Variants in NTM observed in about 807,000 individuals in gnomAD.
NTM encodes the protein neurotrimin.
Under a neutral mutation model 42.1 loss-of-function variants are expected in NTM, and 13 were observed. That is an observed-to-expected ratio of 0.31 (90% CI 0.20 to 0.49). NTM has a LOEUF of 0.49. Among genes scored for constraint, NTM ranks in the 20% least tolerant of loss-of-function variants. NTM has a pLI of 0.99. For synonymous variants in NTM, 187 were observed against 179.2 expected (o/e 1.04, Z -0.35); for missense variants, 373 against 452.8 (o/e 0.82, Z 1.60).
At chr11:132,056,970 C>T (rs1355260276) in intron 2 of NTM, among the ~76,000 whole-genome samples, 1 of 152,162 alleles carries the variant, frequency 6.6e-6, no homozygotes, top group Non-Finnish European at 1.5e-5. Flanking sequence ...CCTGCTTTGT[C>T]GTATAGCAGT....
intron 1 of NTM, among the ~76,000 whole-genome samples, chr11:131,498,918 C>A (rs934850884): frequency 3.9e-5 from 6 of 152,176 alleles, no homozygotes; most frequent in Admixed American, 3.3e-4. Flanking sequence ...AGTGTCAGTT[C>A]CAGGCAGGAG....
chr11:132,286,958 C>T (rs2094263821), intron 4 of NTM, among the ~76,000 whole-genome samples: 2 of 152,250 alleles, frequency 1.3e-5, no homozygotes, highest in South Asian at 4.1e-4. Context: ...GTCCTTCTCA[C>T]TCTTGAAATG....
intron 2 of NTM, among the ~76,000 whole-genome samples, chr11:131,986,781 G>A (rs1349047049): frequency 2.0e-5 from 3 of 152,158 alleles, no homozygotes; most frequent in Admixed American, 6.5e-5. Flanking sequence ...CTGCCTAGAA[G>A]AGTGCCTGAC....
At chr11:132,093,589 C>A (rs1391583660) in intron 2 of NTM, among the ~76,000 whole-genome samples, 2 of 152,116 alleles carry the variant, frequency 1.3e-5, no homozygotes, top group Non-Finnish European at 2.9e-5. Context: ...ATTTATAAAT[C>A]TGTCTTTTTT....
chr11:131,988,043 A>G (rs2066372954), intron 2 of NTM, among the ~76,000 whole-genome samples: 1 of 152,232 alleles, frequency 6.6e-6, no homozygotes, highest in Admixed American at 6.5e-5. Flanking sequence ...TGGGAAGTCC[A>G]ATATCAAGGC....
chr11:132,281,519 G>A (rs924324630), intron 4 of NTM, among the ~76,000 whole-genome samples: 7 of 152,144 alleles, frequency 4.6e-5, no homozygotes, highest in Admixed American at 6.5e-5. Context: ...AGATGATTGG[G>A]TTCCTTGTCC....
intron 1 of NTM, chr11:131,878,240 A>G (rs2137207527): frequency 6.6e-6 from 1 of 151,846 alleles, no homozygotes; most frequent in South Asian, 2.1e-4. Flanking sequence ...GGAAGGATGG[A>G]CTTACCCTGT....
intron 1 of NTM, among the ~76,000 whole-genome samples, chr11:131,748,863 G>T (rs2082143822): frequency 6.6e-6 from 1 of 152,190 alleles, no homozygotes; most frequent in Non-Finnish European, 1.5e-5. Flanking sequence ...GGACTGGACG[G>T]TTCCCAGTGC....
chr11:132,243,145 G>A (rs2090498447), intron 4 of NTM, among the ~76,000 whole-genome samples: 2 of 152,022 alleles, frequency 1.3e-5, no homozygotes, highest in South Asian at 4.2e-4. Context: ...CAATGTTTTT[G>A]GCTCTTCATA....
intron 1 of NTM, among the ~76,000 whole-genome samples, chr11:131,695,896 C>G (rs1026381966): frequency 6.6e-6 from 1 of 152,172 alleles, no homozygotes; most frequent in Non-Finnish European, 1.5e-5. Flanking sequence ...TCCCTTCACT[C>G]CTGCGCTCTG....
intron 1 of NTM, among the ~76,000 whole-genome samples, chr11:131,422,678 T>C (rs1947664275): frequency 6.6e-6 from 1 of 152,076 alleles, no homozygotes; most frequent in Non-Finnish European, 1.5e-5. Context: ...CACTTTTCCC[T>C]CTCCCGCCCT....
chr11:132,164,016 C>T (rs542172667), intron 3 of NTM, among the ~76,000 whole-genome samples: 108 of 152,120 alleles, frequency 7.1e-4, no homozygotes, highest in Non-Finnish European at 1.4e-3. Context: ...AAGGTCATGC[C>T]GCTGGTTAAG....
intron 1 of NTM, among the ~76,000 whole-genome samples, chr11:131,465,838 G>A (rs1226195106): frequency 3.6e-5 from 5 of 140,144 alleles, no homozygotes; most frequent in African/African-American, 1.7e-4. Flanking sequence ...GAAAAGGTCT[G>A]TGGTTGTCCC....
chr11:132,315,531 T>C (rs2095406156), intron 7 of NTM, among the ~76,000 whole-genome samples: 1 of 152,228 alleles, frequency 6.6e-6, no homozygotes, highest in Non-Finnish European at 1.5e-5. Flanking sequence ...TTTTCAAACC[T>C]GTCTCCCCAA....
intron 1 of NTM, among the ~76,000 whole-genome samples, chr11:131,457,721 T>TCCCC (rs112078919): frequency 4.0e-5 from 6 of 151,234 alleles, no homozygotes; most frequent in African/African-American, 1.5e-4. Flanking sequence ...GTTTTTGTCC[T>TCCCC]CCCCCCCCAA....
chr11:131,865,884 C>A (rs1448137645), intron 1 of NTM, among the ~76,000 whole-genome samples: 3 of 132,650 alleles, frequency 2.3e-5, no homozygotes, highest in Non-Finnish European at 1.7e-5. Flanking sequence ...TACACACACA[C>A]CTCCCACATT....
intron 1 of NTM, among the ~76,000 whole-genome samples, chr11:131,652,636 C>T (rs56885620): frequency 0.046 from 6,952 of 152,272 alleles, 286 homozygotes; most frequent in African/African-American, 0.12. Context: ...AGAGGCAGAG[C>T]GGGTTCTGGA....
intron 3 of NTM, among the ~76,000 whole-genome samples, chr11:132,148,953 T>C (rs1344202102): frequency 1.3e-5 from 2 of 152,142 alleles, no homozygotes; most frequent in Non-Finnish European, 2.9e-5. Context: ...ACCTCAAGTA[T>C]TGGAATCTCA....
chr11:132,229,922 TTATC>T (rs1749398610), intron 4 of NTM, among the ~76,000 whole-genome samples: 1 of 152,236 alleles, frequency 6.6e-6, no homozygotes. Flanking sequence ...AGTAGCTACT[TTATC>T]TATTGCCATA....
Sources: gnomAD v4.1 joint callset for allele counts (sites outside exome capture counted in the v4.1 genomes callset) on GRCh38, gnomAD v4.1.1 for gene constraint, MANE v1.5 for transcripts, NCBI Gene and HGNC (gene_info 2026-07-23, HGNC 2026-07-21) for gene names.